Variants in FNDC3A observed in about 807,000 individuals in gnomAD.
FNDC3A encodes fibronectin type III domain containing 3A.
Under a neutral mutation model 148.9 loss-of-function variants are expected in FNDC3A, and 32 were observed. The ratio of observed to expected loss-of-function variants is 0.21; its 90% confidence interval spans 0.16 to 0.29. The LOEUF is 0.29. Ranked by LOEUF, FNDC3A falls within the 10% of genes least tolerant of loss-of-function variation. The pLI is 1.00. For synonymous variants in FNDC3A, 472 were observed against 473.6 expected (o/e 1.00, Z 0.04); for missense variants, 1,191 against 1,452.8 (o/e 0.82, Z 2.93).
intron 3 of FNDC3A, chr13:49,110,458 T>C: frequency 8.3e-7 from 1 of 1,205,052 alleles, no homozygotes; most frequent in Non-Finnish European, 1.2e-6. Context: ...ACAGAAAGCA[T>C]TGTATTAATC....
At chr13:49,169,251 A>G (rs903841457) in intron 10 of FNDC3A, among the ~76,000 whole-genome samples, 9 of 152,234 alleles carry the variant, frequency 5.9e-5, no homozygotes, top group African/African-American at 9.6e-5. Context: ...TAGTCATTCA[A>G]ATACCACAGA....
At chr13:49,035,693 T>G (rs1055417895) in intron 2 of FNDC3A, among the ~76,000 whole-genome samples, 13 of 152,116 alleles carry the variant, frequency 8.5e-5, no homozygotes, top group Admixed American at 4.6e-4. Flanking sequence ...ACTGTCTCCC[T>G]TACTGATTCA....
chr13:49,187,730 C>T, intron 16 of FNDC3A: 1 of 1,132,712 alleles, frequency 8.8e-7, no homozygotes, highest in Non-Finnish European at 1.3e-6. Flanking sequence ...ATGGCGGCAC[C>T]TCACCAAGAC....
At chr13:48,975,295 G>C (rs1217898217), upstream of FNDC3A, 3 of 152,226 alleles carry the variant, frequency 2.0e-5, no homozygotes, top group Non-Finnish European at 4.4e-5. Context: ...ACGCTCACTT[G>C]TAAGTCTTCG....
rs549165591 is a variant in FNDC3A at position 49,168,710 on chromosome 13, A to T, written c.1135A>T (p.Ile379Leu). 6.2e-7 allele frequency: 1 copy of T among 1,613,780 alleles called. No individual in the cohort carries two copies. Among genetic ancestry groups the T allele is most frequent in the Non-Finnish European group, 8.5e-7 (1 of 1,179,742 alleles). Residue 379 changes from isoleucine to leucine, a missense_variant, in exon 10 of 26, where the codon ATA becomes TTA. Physicochemically the swap from Ile to Leu is conservative, Grantham distance 5. This residue lies in a region of FNDC3A where 426 missense variants were observed against 473.2 expected (regional missense o/e 0.90). Transcript: ENST00000492622. Reference protein sequence around the residue: ...CEPDIPNPPRIANRTKNSLTL... With the variant: ...CEPDIPNPPRLANRTKNSLTL... ...ACCTGATATACCTAATCCACCAAGG[A>T]TAGCCAATCGGACCAAAAATTCACT...
chr13:49,089,212 A>C (rs945254955), intron 3 of FNDC3A, among the ~76,000 whole-genome samples: 3 of 152,232 alleles, frequency 2.0e-5, no homozygotes, highest in African/African-American at 7.2e-5. Context: ...ACCACAATTT[A>C]AAAAATTAAT....
chr13:49,036,384 T>C (rs1874492771), intron 2 of FNDC3A, among the ~76,000 whole-genome samples: 1 of 152,184 alleles, frequency 6.6e-6, no homozygotes, highest in African/African-American at 2.4e-5. Flanking sequence ...CACATACAAC[T>C]AGAGGCTGTT....
intron 2 of FNDC3A, among the ~76,000 whole-genome samples, chr13:49,058,346 T>C (rs887667097): frequency 1.3e-5 from 2 of 152,164 alleles, no homozygotes; most frequent in African/African-American, 4.8e-5. Flanking sequence ...AAATAACCGA[T>C]TAGGTCAGGG....
At chr13:49,148,268 T>G (rs146764227) in intron 8 of FNDC3A, among the ~76,000 whole-genome samples, 11 of 152,286 alleles carry the variant, frequency 7.2e-5, no homozygotes, top group Admixed American at 3.3e-4. Context: ...TTGGGGGTCT[T>G]AGCATAAAAT....
At chr13:49,122,764 C>A (rs571775066) in intron 4 of FNDC3A, among the ~76,000 whole-genome samples, 1 of 152,082 alleles carries the variant, frequency 6.6e-6, no homozygotes, top group Non-Finnish European at 1.5e-5. Flanking sequence ...ACAAAGAGAA[C>A]AAAATACCTA....
chr13:49,161,395 G>A (rs532356487), intron 8 of FNDC3A, among the ~76,000 whole-genome samples: 45 of 152,134 alleles, frequency 3.0e-4, no homozygotes, highest in Non-Finnish European at 4.3e-4. Flanking sequence ...GTTTAAAGTC[G>A]GTTTTATTGG....
intron 2 of FNDC3A, among the ~76,000 whole-genome samples, chr13:49,037,251 T>C (rs1470340981): frequency 1.1e-4 from 17 of 152,260 alleles, no homozygotes; most frequent in Admixed American, 1.1e-3. Flanking sequence ...TGCCAGTCAC[T>C]GTTCTATGCA....
At chr13:49,152,907 C>G (rs892592795) in intron 8 of FNDC3A, among the ~76,000 whole-genome samples, 3 of 149,916 alleles carry the variant, frequency 2.0e-5, no homozygotes, top group Admixed American at 1.3e-4. Flanking sequence ...TTTTCTTAAT[C>G]CAGTCTATCA....
At chr13:49,193,934 TAAAAAC>T (rs1886020953) in intron 19 of FNDC3A, among the ~76,000 whole-genome samples, 1 of 150,272 alleles carries the variant, frequency 6.7e-6, no homozygotes, top group Non-Finnish European at 1.5e-5. Flanking sequence ...AAAAAGCAAT[TAAAAAC>T]AAAAAACTAT....
chr13:49,173,745 G>A (rs1884882736), intron 11 of FNDC3A, among the ~76,000 whole-genome samples: 1 of 152,170 alleles, frequency 6.6e-6, no homozygotes, highest in Admixed American at 6.5e-5. Context: ...GTCAAGTACA[G>A]TCTACAGGTT....
intron 3 of FNDC3A, among the ~76,000 whole-genome samples, chr13:49,091,349 A>G (rs1167464386): frequency 6.6e-6 from 1 of 152,138 alleles, no homozygotes; most frequent in Non-Finnish European, 1.5e-5. Flanking sequence ...GACTTAAAAA[A>G]AAAAAAACAA....
At chr13:49,111,809 C>T (rs868418273) in intron 3 of FNDC3A, among the ~76,000 whole-genome samples, 40 of 151,354 alleles carry the variant, frequency 2.6e-4, no homozygotes, top group African/African-American at 8.7e-4. Flanking sequence ...GAAAGGATTA[C>T]TTCGTAAAGA....
chr13:49,166,822 A>C (rs923315047), intron 8 of FNDC3A, among the ~76,000 whole-genome samples: 28 of 152,228 alleles, frequency 1.8e-4, no homozygotes, highest in African/African-American at 6.5e-4. Flanking sequence ...TTTTAAATGA[A>C]GTTCCACATT....
intron 16 of FNDC3A, among the ~76,000 whole-genome samples, chr13:49,187,831 T>C (rs1017698750): frequency 4.6e-5 from 7 of 151,922 alleles, no homozygotes; most frequent in Non-Finnish European, 2.9e-5. Context: ...TTTCCAGAAA[T>C]ACAGTGAATC....
Sources: gnomAD v4.1 joint callset for allele counts (sites outside exome capture counted in the v4.1 genomes callset) on GRCh38, gnomAD v4.1.1 for gene constraint, gnomAD v4.1.1 regional missense constraint, MANE v1.5 for transcripts, NCBI Gene and HGNC (gene_info 2026-07-23, HGNC 2026-07-21) for gene names.